The following KRTAP4-5 variants were observed in gnomAD, a reference collection of about 807,000 sequenced individuals.
KRTAP4-5 encodes the protein keratin-associated protein 4-5.
For missense variants in KRTAP4-5, 199 were observed against 233.7 expected, an observed-to-expected ratio of 0.85 and a Z score of 0.97; for synonymous variants, 73 against 83.6, an observed-to-expected ratio of 0.87 and a Z score of 0.69.
In KRTAP4-5 at chr17:41,149,321, T is replaced by C. The variant is rs1221064555; in HGVS notation, c.447A>G (p.Pro149=). 2 of 1,611,498 alleles carry C rather than the reference T, an allele frequency of 1.2e-6. No homozygotes were observed. The highest frequency in any genetic ancestry group is 2.7e-5 in the African/African-American group (2 of 74,844). Reference sequence around the variant, plus strand: ...TGTGGCAGGAGACTCGGCCACAGACTGGACGCACGCAGCAGCAGGGGCGGC... The same window carrying C: ...TGTGGCAGGAGACTCGGCCACAGACCGGACGCACGCAGCAGCAGGGGCGGC... The part of the protein sequence containing the change: ...SCCRPCCCVR[P]VCGRVSCHTT... Residue 149 remains proline, a synonymous_variant, in exon 1 of 1, where the codon CCA becomes CCG. Coordinates refer to ENST00000343246, the MANE Select transcript of KRTAP4-5 (RefSeq NM_033188.4).
In KRTAP4-5 at chr17:41,149,397, CTGGGACGGCAGCAAG is replaced by C; in HGVS notation, c.356_370del (p.Thr119_Pro123del). ...GTGGCAGCAGCTGGAGATGCAGCAGCTGGGACGGCAGCAAGTGGGCTGGCAGCACACAGACTGGCA... is the reference window on the plus strand; with the variant it reads ...GTGGCAGCAGCTGGAGATGCAGCAGCTGGGCTGGCAGCACACAGACTGGCA... On this transcript the variant is annotated inframe_deletion, in exon 1 of 1. Transcript: ENST00000343246. 1 of 1,612,704 alleles carries C rather than the reference CTGGGACGGCAGCAAG, an allele frequency of 6.2e-7. No individual in the cohort carries two copies. The highest frequency in any genetic ancestry group is 8.5e-7 in the Non-Finnish European group (1 of 1,179,320).
In KRTAP4-5 at chr17:41,149,479, A is replaced by T. The variant is rs1423663916; in HGVS notation, c.289T>A (p.Cys97Ser). The change falls in exon 1 of 1, where the codon TGC becomes AGC. Residue 97 changes from cysteine (C) to serine (S), a missense_variant. Cys to Ser is a moderately radical substitution (Grantham distance 112). Transcript: ENST00000343246. The stretch of plus-strand genomic sequence containing the variant: ...CAGCTGGACACACAGCAGCTGGGGC[A>T]GCAGCAGGTGGTCCTGCAGCAGGTG... The part of the protein sequence containing the change: ...RTTCCRTTCC[C>S]PSCCVSSCCR... The T allele has an allele frequency of 5.3e-6, 8 of 1,507,512 alleles. No homozygotes were observed. The highest frequency in any genetic ancestry group is 7.1e-6 in the Non-Finnish European group (8 of 1,122,944). 93.4% of individuals were successfully genotyped at this position (1,507,512 alleles called of 1,614,324 possible).
At position 41,149,578 on chromosome 17, in the gene KRTAP4-5, T is replaced by C. The variant is rs1230437025; in HGVS notation, c.190A>G (p.Ser64Gly). ...TCACAGCAATAGGGGCGGCAGCAGC[T>C]GGAGATGCAGCAGCTAGGGTGGCAG... ...TCCHPSCCIS[S>G]CCRPYCCESS... is the part of the protein sequence containing the mutation. Residue 64 changes from serine to glycine, a missense_variant, in exon 1 of 1, where the codon AGC becomes GGC. By Grantham distance (56) the Ser-to-Gly change is moderately conservative. Coordinates refer to ENST00000343246, the MANE Select transcript of KRTAP4-5 (RefSeq NM_033188.4). 1 of 1,551,446 alleles carries C rather than the reference T, an allele frequency of 6.4e-7. No individual in the cohort carries two copies. Among genetic ancestry groups the C allele is most frequent in the Admixed American group, 1.8e-5 (1 of 55,580 alleles).
Position 41,149,452 on chromosome 17 carries a change from A to G in KRTAP4-5, c.316T>C (p.Cys106Arg), listed in dbSNP as rs1328385965. ...CCPSCCVSSC[C>R]RPQCCQSVCC... ...ACAGACTGGCAGCACTGGGGTCTGC[A>G]GCAGCTGGACACACAGCAGCTGGGG... The change falls in exon 1 of 1, where the codon TGC becomes CGC. Residue 106 changes from cysteine (C) to arginine (R), a missense_variant. Transcript: ENST00000343246. 3 of 1,612,872 alleles carry G rather than the reference A, an allele frequency of 1.9e-6. No homozygotes were observed. Among genetic ancestry groups the G allele is most frequent in the Non-Finnish European group, 2.5e-6 (3 of 1,179,792 alleles).
At position 41,149,775 on chromosome 17, in the gene KRTAP4-5, G is replaced by C; in HGVS notation, c.-8C>G. 1 of 1,597,544 alleles carries C rather than the reference G, an allele frequency of 6.3e-7. No homozygotes were observed. The highest frequency in any genetic ancestry group is 8.5e-7 in the Non-Finnish European group (1 of 1,170,640). On this transcript the variant is annotated 5_prime_UTR_variant, in exon 1 of 1. Coordinates refer to ENST00000343246, the MANE Select transcript of KRTAP4-5 (RefSeq NM_033188.4). ...ACAACAGGAGCTGACCATGGTGTCA[G>C]AGGGTGGAGGTTCTGGGTGGATTTC...
Position 41,149,553 on chromosome 17 carries a change from T to C in KRTAP4-5, c.215A>G (p.Glu72Gly), listed in dbSNP as rs749252755. ...GCAGCAGGGGCGGCAGCAGCTGGATTCACAGCAATAGGGGCGGCAGCAGCT... is the reference window on the plus strand; with the variant it reads ...GCAGCAGGGGCGGCAGCAGCTGGATCCACAGCAATAGGGGCGGCAGCAGCT... ...ISSCCRPYCC[E>G]SSCCRPCCCQ... The change falls in exon 1 of 1, where the codon GAA becomes GGA. Residue 72 changes from glutamate (E) to glycine (G), a missense_variant. Coordinates refer to ENST00000343246, the MANE Select transcript of KRTAP4-5 (RefSeq NM_033188.4). 11 of 1,110,716 alleles carry C rather than the reference T, an allele frequency of 9.9e-6. No individual in the cohort carries two copies. The highest frequency in any genetic ancestry group is 2.9e-4 in the Middle Eastern group (1 of 3,404). 68.8% of individuals were successfully genotyped at this position (1,110,716 alleles called of 1,614,324 possible).
rs748206594 is a variant in KRTAP4-5 at position 41,149,241 on chromosome 17, C to T, written c.527G>A (p.Cys176Tyr). ...GAGACATTAGCAGCAAGAGGAGGCA[C>T]AGCACAAGGGGCGGGGGCAGGTGGA... is the stretch of plus-strand genomic sequence containing the variant. ...VISTCPRPLC[C>Y]ASSCC Residue 176 changes from cysteine to tyrosine, a missense_variant, in exon 1 of 1, where the codon TGT becomes TAT. Coordinates refer to ENST00000343246, the MANE Select transcript of KRTAP4-5 (RefSeq NM_033188.4). The T allele has an allele frequency of 5.0e-6, 8 of 1,605,528 alleles. No individual in the cohort carries two copies. Among genetic ancestry groups the T allele is most frequent in the Non-Finnish European group, 6.0e-6 (7 of 1,175,674 alleles).
Position 41,149,047 on chromosome 17 carries a change from T to C in KRTAP4-5, c.*175A>G. 8.4e-7 allele frequency: 1 copy of C among 1,188,340 alleles called. No homozygotes were observed. The highest frequency in any genetic ancestry group is 1.2e-6 in the Non-Finnish European group (1 of 861,036). The allele number at this position is 1,188,340 out of a possible 1,614,324, so 73.6% of individuals were successfully genotyped here. On this transcript the variant is annotated 3_prime_UTR_variant, in exon 1 of 1. Coordinates refer to ENST00000343246, the MANE Select transcript of KRTAP4-5 (RefSeq NM_033188.4). ...AACTGCATTGGGGCCTGGCATAACA[T>C]ATTTTAATGAATGTGATTGTCTGTC...
rs574457612 is a variant in KRTAP4-5, at chr17:41,149,479, A to AGCAGCAGGTGGTCCT, written c.274_288dup (p.Arg92_Cys96dup). ...CAGCTGGACACACAGCAGCTGGGGC[A>AGCAGCAGGTGGTCCT]GCAGCAGGTGGTCCTGCAGCAGGTG... is the stretch of plus-strand genomic sequence containing the variant. On this transcript the variant is annotated inframe_insertion, in exon 1 of 1. Transcript: ENST00000343246. 6.0e-6 allele frequency: 9 copies of AGCAGCAGGTGGTCCT among 1,507,506 alleles called. No individual in the cohort carries two copies. The highest frequency in any genetic ancestry group is 5.3e-6 in the Non-Finnish European group (6 of 1,122,990). The allele number at this position is 1,507,506 out of a possible 1,614,324, so 93.4% of individuals were successfully genotyped here. A position where few individuals can be genotyped will look rare whatever the true frequency, so the allele number is the denominator to read the frequency against.
In KRTAP4-5 at chr17:41,149,318, G is replaced by A; in HGVS notation, c.450C>T (p.Val150=). ...TGGTGTGGCAGGAGACTCGGCCACA[G>A]ACTGGACGCACGCAGCAGCAGGGGC... ...CCRPCCCVRP[V]CGRVSCHTTC... Residue 150 remains valine, a synonymous_variant, in exon 1 of 1, where the codon GTC becomes GTT. Transcript: ENST00000343246. The A allele has an allele frequency of 1.2e-6, 2 of 1,611,580 alleles. No homozygotes were observed. The highest frequency in any genetic ancestry group is 1.7e-6 in the Non-Finnish European group (2 of 1,178,810).
rs1474263761 is a variant in KRTAP4-5, at chr17:41,149,358, T to C, written c.410A>G (p.Glu137Gly). 1.2e-6 allele frequency: 2 copies of C among 1,613,208 alleles called. No individual in the cohort carries two copies. Among genetic ancestry groups the C allele is most frequent in the East Asian group, 4.5e-5 (2 of 44,860 alleles). The change falls in exon 1 of 1, where the codon GAA (glutamate) becomes GGA (glycine). Residue 137 changes from glutamate (E) to glycine (G), a missense_variant. Glu to Gly is a moderately conservative substitution (Grantham distance 98, BLOSUM62 -2). Coordinates refer to ENST00000343246, the MANE Select transcript of KRTAP4-5 (RefSeq NM_033188.4). ...GCAGCAGGGGCGGCAGCAGCTGGAT[T>C]CACAGCAAGAGGGGTGGCAGCAGCT... ...ISSCCHPSCC[E>G]SSCCRPCCCV...
In KRTAP4-5 at chr17:41,149,666, G is replaced by T; in HGVS notation, c.102C>A (p.Thr34=). The change falls in exon 1 of 1, where the codon ACC becomes ACA. Residue 34 remains threonine (T), a synonymous_variant. Transcript: ENST00000343246. ...SCCQTTCCRT[T]CCRPSCCKPQ... ...GCTTGCAGCAGCTGGGGCGGCAGCAGGTGGTCCTGCAGCAGGTGGTCTGGC... is the reference window on the plus strand; with the variant it reads ...GCTTGCAGCAGCTGGGGCGGCAGCATGTGGTCCTGCAGCAGGTGGTCTGGC... The T allele has an allele frequency of 2.5e-6, 4 of 1,613,794 alleles. No individual in the cohort carries two copies. Among genetic ancestry groups the T allele is most frequent in the Non-Finnish European group, 3.4e-6 (4 of 1,179,832 alleles).
Position 41,149,371 on chromosome 17 carries a change from G to A in KRTAP4-5, c.397C>T (p.Pro133Ser). Reference sequence around the variant, plus strand: ...CAGCAGCTGGATTCACAGCAAGAGGGGTGGCAGCAGCTGGAGATGCAGCAG... The same window carrying A: ...CAGCAGCTGGATTCACAGCAAGAGGAGTGGCAGCAGCTGGAGATGCAGCAG... ...PSCCISSCCHPSCCESSCCRP... is the reference protein window; with the variant it reads ...PSCCISSCCHSSCCESSCCRP... The change falls in exon 1 of 1, where the codon CCC (proline) becomes TCC (serine). Residue 133 changes from proline (P) to serine (S), a missense_variant. Transcript: ENST00000343246. 6.2e-7 allele frequency: 1 copy of A among 1,613,750 alleles called. No homozygotes were observed. The highest frequency in any genetic ancestry group is 1.1e-5 in the South Asian group (1 of 91,042).
chr17:41,149,300 G>T, the KRTAP4-5 span: 1 of 1,610,526 alleles, frequency 6.2e-7, no homozygotes. Flanking sequence ...AAGTGGTGTG[G>T]CAGGAGACTC....
rs2014802389 is a variant in KRTAP4-5 at position 41,149,315 on chromosome 17, A to G, written c.453T>C (p.Cys151=). 8 of 1,610,966 alleles carry G rather than the reference A, an allele frequency of 5.0e-6. No homozygotes were observed. Among genetic ancestry groups the G allele is most frequent in the Non-Finnish European group, 6.8e-6 (8 of 1,178,552 alleles). Residue 151 remains cysteine, a synonymous_variant, in exon 1 of 1, where the codon TGT becomes TGC. Coordinates refer to ENST00000343246, the MANE Select transcript of KRTAP4-5 (RefSeq NM_033188.4). ...AAGTGGTGTGGCAGGAGACTCGGCCACAGACTGGACGCACGCAGCAGCAGG... is the reference window on the plus strand; with the variant it reads ...AAGTGGTGTGGCAGGAGACTCGGCCGCAGACTGGACGCACGCAGCAGCAGG... ...CRPCCCVRPV[C]GRVSCHTTCY... is the part of the protein sequence containing the mutation.
At position 41,149,600 on chromosome 17, in the gene KRTAP4-5, G is replaced by A. The variant is rs555584186; in HGVS notation, c.168C>T (p.Cys56=). The A allele has an allele frequency of 2.5e-6, 4 of 1,605,472 alleles. No individual in the cohort carries two copies. Among genetic ancestry groups the A allele is most frequent in the Admixed American group, 3.4e-5 (2 of 59,286 alleles). ...CQSVCYQPTC[C]HPSCCISSCC... is the part of the protein sequence containing the mutation. Reference sequence around the variant, plus strand: ...AGCTGGAGATGCAGCAGCTAGGGTGGCAGCAGGTGGGCTGGTAGCACACAG... The same window carrying A: ...AGCTGGAGATGCAGCAGCTAGGGTGACAGCAGGTGGGCTGGTAGCACACAG... The change falls in exon 1 of 1, where the codon TGC becomes TGT. Residue 56 remains cysteine, a synonymous_variant. Transcript: ENST00000343246.
Position 41,149,301 on chromosome 17 carries a change from C to T in KRTAP4-5, c.467G>A (p.Cys156Tyr). 1 of 1,610,420 alleles carries T rather than the reference C, an allele frequency of 6.2e-7. No homozygotes were observed. The highest frequency in any genetic ancestry group is 8.5e-7 in the Non-Finnish European group (1 of 1,178,238). The change falls in exon 1 of 1, where the codon TGC becomes TAC. Residue 156 changes from cysteine to tyrosine, a missense_variant. Cys to Tyr is a radical substitution (Grantham distance 194, BLOSUM62 -2). Transcript: ENST00000343246. The stretch of plus-strand genomic sequence containing the variant: ...GGTTGGGCGATAGCAAGTGGTGTGG[C>T]AGGAGACTCGGCCACAGACTGGACG... ...CVRPVCGRVSCHTTCYRPTCV... is the reference protein window; with the variant it reads ...CVRPVCGRVSYHTTCYRPTCV...
chr17:41,149,070 G>C lies in KRTAP4-5; in HGVS notation c.*152C>G, dbSNP rs878981865. Reference sequence around the variant, plus strand: ...CATATTTTAATGAATGTGATTGTCTGTCATTTCCTAGAAGAGCTGAATGTC... The same window carrying C: ...CATATTTTAATGAATGTGATTGTCTCTCATTTCCTAGAAGAGCTGAATGTC... On this transcript the variant is annotated 3_prime_UTR_variant, in exon 1 of 1. Coordinates refer to ENST00000343246, the MANE Select transcript of KRTAP4-5 (RefSeq NM_033188.4). 10 of 1,318,668 alleles carry C rather than the reference G, an allele frequency of 7.6e-6. No individual in the cohort carries two copies. The highest frequency in any genetic ancestry group is 6.1e-6 in the Non-Finnish European group (6 of 979,210). 81.7% of individuals were successfully genotyped at this position (1,318,668 alleles called of 1,614,324 possible).
Position 41,149,069 on chromosome 17 carries a change from T to G in KRTAP4-5, c.*153A>C, listed in dbSNP as rs143023652. ...ACATATTTTAATGAATGTGATTGTC[T>G]GTCATTTCCTAGAAGAGCTGAATGT... On this transcript the variant is annotated 3_prime_UTR_variant, in exon 1 of 1. Coordinates refer to ENST00000343246, the MANE Select transcript of KRTAP4-5 (RefSeq NM_033188.4). 4.7e-5 allele frequency: 62 copies of G among 1,307,632 alleles called. No individual in the cohort carries two copies. In the African/African-American group the frequency reaches 8.5e-4, roughly 18 times the overall value. The allele number at this position is 1,307,632 out of a possible 1,614,324, so 81.0% of individuals were successfully genotyped here.
Sources: gnomAD v4.1 joint callset for allele counts on GRCh38, gnomAD v4.1.1 for gene constraint, MANE v1.5 for transcripts, NCBI Gene and HGNC (gene_info 2026-07-23, HGNC 2026-07-21) for gene names.